The following GLYCTK variants were observed in gnomAD, a reference collection of about 807,000 sequenced individuals.
GLYCTK encodes glycerate kinase, also known as HBeAg binding protein 4.
In GLYCTK, 22 loss-of-function variants were observed where a neutral mutation model predicts 24.8. The observed-to-expected ratio is 0.89, with a 90% CI of 0.63 to 1.27. The LOEUF is 1.27. GLYCTK is among the 50% of genes most tolerant of loss of function. The probability of loss-of-function intolerance (pLI) is 0.00; values close to 1 mark genes in which losing one functional copy is unlikely to be tolerated. For missense variants in GLYCTK, 684 were observed against 686.7 expected (o/e 1.00, Z 0.04); for synonymous variants, 320 against 297.2 (o/e 1.08, Z -0.79).
chr3:52,291,641 C>G, intron 3 of GLYCTK, 106 bp from the exon 4 acceptor site: 3 of 1,112,704 alleles, frequency 2.7e-6, no homozygotes, highest in Non-Finnish European at 4.0e-6. Context: ...GCACCCTAAC[C>G]CCACCTTTCC....
Position 52,290,977 on chromosome 3 carries a change from C to G in GLYCTK, c.395C>G (p.Pro132Arg). ...CTCCCCAGGGAGATGCTGCTGAAGC[C>G]ACATAGCCGTGTCCAGGTATTCGAG... ...RAGKQEMLLK[P>R]HSRVQVFEGA... The change falls in exon 3 of 5, where the codon CCA becomes CGA. Residue 132 changes from proline to arginine, a missense_variant. Physicochemically the swap from Pro to Arg is moderately radical, Grantham distance 103. Coordinates refer to ENST00000436784, the MANE Select transcript of GLYCTK (RefSeq NM_145262.4). 1 of 1,614,096 alleles carries G rather than the reference C, an allele frequency of 6.2e-7. No homozygotes were observed. Among genetic ancestry groups the G allele is most frequent in the African/African-American group, 1.3e-5 (1 of 75,056 alleles).
intron 3 of GLYCTK, chr3:52,291,513 C>T: frequency 1.7e-6 from 1 of 592,982 alleles, no homozygotes; most frequent in South Asian, 2.0e-5. Context: ...CTGTTCTAGT[C>T]TCTTAAGGAG....
chr3:52,288,881 C>T (rs988701012), intron 1 of GLYCTK: 1 of 152,166 alleles, frequency 6.6e-6, no homozygotes, highest in East Asian at 1.9e-4. Flanking sequence ...CCTCTGTGTT[C>T]CCTTTCACAA....
Position 52,290,958 on chromosome 3 carries a change from A to G in GLYCTK, c.378-2A>G, listed in dbSNP as rs746185963. ...CTTGCGTGCTGACCTTTCCCTCCCC[A>G]GGGAGATGCTGCTGAAGCCACATAG... On this transcript the variant is annotated splice_acceptor_variant, in intron 2 of 4. Coordinates refer to ENST00000436784, the MANE Select transcript of GLYCTK (RefSeq NM_145262.4). LOFTEE classifies it high-confidence loss of function. 1.9e-6 allele frequency: 3 copies of G among 1,614,020 alleles called. No homozygotes were observed. The Admixed American group carries it at 5.0e-5, about 27-fold the overall frequency.
rs1012925943 is a variant in GLYCTK, at chr3:52,287,899, C to T, written c.-40+23C>T. The T allele has an allele frequency of 2.2e-4, 99 of 448,852 alleles. No individual in the cohort carries two copies. In the Admixed American group the frequency reaches 2.2e-3, roughly 10 times the overall value. 27.8% of individuals were successfully genotyped at this position (448,852 alleles called of 1,614,324 possible). Reference sequence around the variant, plus strand: ...CTGGTAAGTCTGCGCCGCCAGGGCTCGCATGGCCTTCAGAAGCGGTCCCTG... The same window carrying T: ...CTGGTAAGTCTGCGCCGCCAGGGCTTGCATGGCCTTCAGAAGCGGTCCCTG... On this transcript the variant is annotated intron_variant, in intron 1 of 4. Coordinates refer to ENST00000436784, the MANE Select transcript of GLYCTK (RefSeq NM_145262.4).
chr3:52,290,810 C>G, intron 2 of GLYCTK, 91 bp downstream of exon 2: 4 of 1,582,198 alleles, frequency 2.5e-6, no homozygotes, highest in South Asian at 1.1e-5. Context: ...CCTCCCCACC[C>G]GCTTCCCATT....
In GLYCTK at chr3:52,294,439, C is replaced by A. The variant is rs1386052330; in HGVS notation, c.*1313C>A. On this transcript the variant is annotated 3_prime_UTR_variant, in exon 5 of 5. Transcript: ENST00000436784. The stretch of plus-strand genomic sequence containing the variant: ...TTCCCTTCCCCACCTGGGCTCTGGG[C>A]AGCCTAGCTTGCAGACAGTTCATGA... The A allele has an allele frequency of 2.2e-6, 1 of 451,184 alleles. No homozygotes were observed. Among genetic ancestry groups the A allele is most frequent in the Admixed American group, 2.5e-5 (1 of 40,414 alleles). 27.9% of individuals were successfully genotyped at this position (451,184 alleles called of 1,614,324 possible).
chr3:52,289,513 A>G (rs567876345), intron 1 of GLYCTK, among the ~76,000 whole-genome samples: 3 of 152,314 alleles, frequency 2.0e-5, no homozygotes, highest in Admixed American at 6.5e-5. Context: ...GGTCTGGCCA[A>G]CTGTGTGGGT....
rs1305446587 is a variant in GLYCTK, at chr3:52,293,809, G to C, written c.*683G>C. On this transcript the variant is annotated 3_prime_UTR_variant, in exon 5 of 5. Transcript: ENST00000436784. ...TGTCACCATGGCTTCTCCAGCCTCA[G>C]CTTGTAGGCCTCGTTGGATGGATGT... 2 of 454,056 alleles carry C rather than the reference G, an allele frequency of 4.4e-6. No individual in the cohort carries two copies. The highest frequency in any genetic ancestry group is 8.8e-6 in the Non-Finnish European group (2 of 226,736). The allele number at this position is 454,056 out of a possible 1,614,324, so 28.1% of individuals were successfully genotyped here.
rs780634197 is a variant in GLYCTK at position 52,294,842 on chromosome 3, AGT to A, written c.*1726_*1727del. 4 of 453,780 alleles carry A rather than the reference AGT, an allele frequency of 8.8e-6. No homozygotes were observed. Among genetic ancestry groups the A allele is most frequent in the South Asian group, 6.2e-5 (4 of 64,452 alleles). The allele number at this position is 453,780 out of a possible 1,614,324, so 28.1% of individuals were successfully genotyped here. A position where few individuals can be genotyped will look rare whatever the true frequency, so the allele number is the denominator to read the frequency against. On this transcript the variant is annotated 3_prime_UTR_variant, in exon 5 of 5. Coordinates refer to ENST00000436784, the MANE Select transcript of GLYCTK (RefSeq NM_145262.4). ...CTGAGGGCCTGGCAGCCATGTCCCC[AGT>A]GTGTGTGTGGGTGGTAGGTGTGTGA...
rs532727649 is a variant in GLYCTK, at chr3:52,293,522, T to C, written c.*396T>C. The C allele has an allele frequency of 3.6e-5, 17 of 469,660 alleles. No homozygotes were observed. Among genetic ancestry groups the C allele is most frequent in the African/African-American group, 2.6e-4 (13 of 50,782 alleles). 29.1% of individuals were successfully genotyped at this position (469,660 alleles called of 1,614,324 possible). The stretch of plus-strand genomic sequence containing the variant: ...GAGTGAGGCCTCACGGGGGAGCCGC[T>C]GGGAGGGGAGCGTGGTACGGCTGCA... On this transcript the variant is annotated 3_prime_UTR_variant, in exon 5 of 5. Coordinates refer to ENST00000436784, the MANE Select transcript of GLYCTK (RefSeq NM_145262.4).
chr3:52,293,147 G>C lies in GLYCTK; in HGVS notation c.*21G>C, dbSNP rs752464066. 1.9e-6 allele frequency: 3 copies of C among 1,612,218 alleles called. No individual in the cohort carries two copies. ...GGTGATGGCATAGGTCACATTTTGG[G>C]AGTTCAGAGGAGGCCTACAAGGGCA... On this transcript the variant is annotated 3_prime_UTR_variant, in exon 5 of 5. Coordinates refer to ENST00000436784, the MANE Select transcript of GLYCTK (RefSeq NM_145262.4).
At position 52,290,364 on chromosome 3, in the gene GLYCTK, C is replaced by A. The variant is rs1170263189; in HGVS notation, c.22C>A (p.Leu8Met). Residue 8 changes from leucine (L) to methionine (M), a missense_variant, in exon 2 of 5, where the codon CTG (leucine) becomes ATG (methionine). Leu to Met is a conservative substitution (Grantham distance 15). Transcript: ENST00000436784. Reference sequence around the variant, plus strand: ...GGGCATGGCTGCAGCCCTGCAGGTCCTGCCCCGCTTGGCCCGAGCCCCCTT... The same window carrying A: ...GGGCATGGCTGCAGCCCTGCAGGTCATGCCCCGCTTGGCCCGAGCCCCCTT... MAAALQV[L>M]PRLARAPLHP... is the part of the protein sequence containing the mutation. 9 of 1,599,452 alleles carry A rather than the reference C, an allele frequency of 5.6e-6. No homozygotes were observed. Among genetic ancestry groups the A allele is most frequent in the Non-Finnish European group, 7.6e-6 (9 of 1,179,504 alleles).
rs1306640072 is a variant in GLYCTK at position 52,293,851 on chromosome 3, C to T, written c.*725C>T. Reference sequence around the variant, plus strand: ...GATGGATGTCCTTTCTGTCTTTGGACAGCCCTTAGCCACATACTGCACTTC... The same window carrying T: ...GATGGATGTCCTTTCTGTCTTTGGATAGCCCTTAGCCACATACTGCACTTC... On this transcript the variant is annotated 3_prime_UTR_variant, in exon 5 of 5. Transcript: ENST00000436784. 6.6e-6 allele frequency: 3 copies of T among 453,998 alleles called. No individual in the cohort carries two copies. The highest frequency in any genetic ancestry group is 2.0e-5 in the African/African-American group (1 of 50,008). 28.1% of individuals were successfully genotyped at this position (453,998 alleles called of 1,614,324 possible). A position where few individuals can be genotyped will look rare whatever the true frequency, so the allele number is the denominator to read the frequency against.
chr3:52,287,953 G>T, intron 1 of GLYCTK, 77 bp downstream of exon 1: 1 of 388,976 alleles, frequency 2.6e-6, no homozygotes, highest in Non-Finnish European at 5.3e-6. Context: ...CCTGGTGGCA[G>T]CAGGCCCTTC....
chr3:52,293,312 C>T lies in GLYCTK; in HGVS notation c.*186C>T. 1 of 729,870 alleles carries T rather than the reference C, an allele frequency of 1.4e-6. No individual in the cohort carries two copies. Among genetic ancestry groups the T allele is most frequent in the Non-Finnish European group, 2.4e-6 (1 of 411,060 alleles). The allele number at this position is 729,870 out of a possible 1,614,324, so 45.2% of individuals were successfully genotyped here. On this transcript the variant is annotated 3_prime_UTR_variant, in exon 5 of 5. Transcript: ENST00000436784. ...CTATATCTATTCCCTTCCAGCCAGA[C>T]TGGCAGATGGGGGCTTCCCCCTACC... is the stretch of plus-strand genomic sequence containing the variant.
chr3:52,294,750 T>C lies in GLYCTK; in HGVS notation c.*1624T>C, dbSNP rs1700587900. On this transcript the variant is annotated 3_prime_UTR_variant, in exon 5 of 5. Coordinates refer to ENST00000436784, the MANE Select transcript of GLYCTK (RefSeq NM_145262.4). ...CAGTCCTTGCTCTTGGGAGCATGAG[T>C]ATTGGCACTGGGTTCCAAGTTCCAG... 3 of 450,564 alleles carry C rather than the reference T, an allele frequency of 6.7e-6. No individual in the cohort carries two copies. The highest frequency in any genetic ancestry group is 6.0e-5 in the African/African-American group (3 of 49,884). The allele number at this position is 450,564 out of a possible 1,614,324, so 27.9% of individuals were successfully genotyped here. A position where few individuals can be genotyped will look rare whatever the true frequency, so the allele number is the denominator to read the frequency against.
At position 52,291,084 on chromosome 3, in the gene GLYCTK, G is replaced by A; in HGVS notation, c.502G>A (p.Asp168Asn). The change falls in exon 3 of 5, where the codon GAT (aspartate) becomes AAT (asparagine). Residue 168 changes from aspartate to asparagine, a missense_variant. By Grantham distance (23) the Asp-to-Asn change is conservative. Transcript: ENST00000436784. ...GCAACTGGCTGAGGGACTCACAGCT[G>A]ATGACCTGCTGCTCGTGCTGATCTC... ...IQQLAEGLTA[D>N]DLLLVLISGG... 6.2e-7 allele frequency: 1 copy of A among 1,612,484 alleles called. No homozygotes were observed. Among genetic ancestry groups the A allele is most frequent in the Admixed American group, 1.7e-5 (1 of 60,018 alleles).
chr3:52,292,214 G>A (rs1031395719), intron 4 of GLYCTK, 46 bp from the exon 5 acceptor site: 26 of 1,612,032 alleles, frequency 1.6e-5, no homozygotes, highest in Non-Finnish European at 2.0e-5. Flanking sequence ...GGGCTCTGAG[G>A]GGAGGAGGAA....
Sources: allele counts gnomAD v4.1 joint callset (sites outside exome capture counted in the v4.1 genomes callset), GRCh38; gene constraint gnomAD v4.1.1; transcripts MANE v1.5; gene names NCBI Gene and HGNC (gene_info 2026-07-23, HGNC 2026-07-21).